Variants in CPAP observed in about 807,000 individuals in gnomAD.
CPAP encodes centrosome assembly and centriole elongation protein, also known as centrosomal P4.1-associated protein.
chr13:24,914,036 G>A, the CPAP span, among the ~76,000 whole-genome samples: 1 of 151,944 alleles, frequency 6.6e-6, no homozygotes, highest in Non-Finnish European at 1.5e-5. Context: ...CAGTCTAGTG[G>A]GGAAGACACA....
the CPAP span, chr13:24,905,893 T>C: frequency 6.2e-7 from 1 of 1,614,028 alleles, no homozygotes; most frequent in South Asian, 1.1e-5. Flanking sequence ...CAGTCGATGG[T>C]TTTATGGTAA....
the CPAP span, chr13:24,908,189 A>C: frequency 1.7e-6 from 2 of 1,164,838 alleles, no homozygotes; most frequent in East Asian, 4.7e-5. Context: ...AAAACATGAG[A>C]ATTCTACAAG....
At chr13:24,898,462 G>A in the CPAP span, among the ~76,000 whole-genome samples, 1 of 152,136 alleles carries the variant, frequency 6.6e-6, no homozygotes, top group Non-Finnish European at 1.5e-5. Flanking sequence ...GCCGGAGCAA[G>A]GGTTGGGGAG....
the CPAP span, among the ~76,000 whole-genome samples, chr13:24,921,141 A>G: frequency 8.7e-4 from 133 of 152,308 alleles, no homozygotes; most frequent in African/African-American, 2.9e-3. Flanking sequence ...GGAATTCTCT[A>G]TAAGTCAGTA....
chr13:24,911,841 A>T, the CPAP span: 1 of 1,370,466 alleles, frequency 7.3e-7, no homozygotes, highest in Admixed American at 1.7e-5. Context: ...CTTTAAAGAA[A>T]CTGGAGTTCA....
the CPAP span, chr13:24,885,678 A>T: frequency 6.2e-7 from 1 of 1,606,090 alleles, no homozygotes; most frequent in East Asian, 2.2e-5. Context: ...TGCCTATTAG[A>T]ATAAAATTGT....
At chr13:24,919,728 C>G in the CPAP span, among the ~76,000 whole-genome samples, 1 of 150,044 alleles carries the variant, frequency 6.7e-6, no homozygotes, top group African/African-American at 2.5e-5. Context: ...TATTTTATGT[C>G]TGACAGAAGA....
At chr13:24,927,799 G>A in the CPAP span, among the ~76,000 whole-genome samples, 4 of 152,132 alleles carry the variant, frequency 2.6e-5, no homozygotes, top group Admixed American at 6.5e-5. Context: ...CAGCCCCAAC[G>A]GAGCCAATAC....
At chr13:24,912,627 G>A in the CPAP span, 2 of 1,613,688 alleles carry the variant, frequency 1.2e-6, no homozygotes, top group South Asian at 1.1e-5. Context: ...CCCCTTCTTT[G>A]AATTCACTCG....
chr13:24,894,445 G>A, the CPAP span, among the ~76,000 whole-genome samples: 1 of 152,182 alleles, frequency 6.6e-6, no homozygotes. Flanking sequence ...ACTGGCAGAC[G>A]GCCGCGATGA....
At chr13:24,912,072 T>G in the CPAP span, 2 of 1,612,794 alleles carry the variant, frequency 1.2e-6, no homozygotes, top group Non-Finnish European at 1.7e-6. Flanking sequence ...TCTTTCAGCT[T>G]TTTAAATACA....
At chr13:24,903,241 T>C in the CPAP span, among the ~76,000 whole-genome samples, 1 of 152,184 alleles carries the variant, frequency 6.6e-6, no homozygotes, top group African/African-American at 2.4e-5. Context: ...TAAAACAATA[T>C]GTTGAAGTCC....
the CPAP span, among the ~76,000 whole-genome samples, chr13:24,921,193 T>C: frequency 1.3e-5 from 2 of 152,218 alleles, no homozygotes; most frequent in Non-Finnish European, 2.9e-5. Context: ...ATTTGATCTA[T>C]AGATGCTGAG....
the CPAP span, among the ~76,000 whole-genome samples, chr13:24,905,115 G>A: frequency 2.0e-5 from 3 of 152,150 alleles, no homozygotes; most frequent in African/African-American, 7.2e-5. Context: ...CAGGTCTGGG[G>A]AAGAAAGGAA....
At chr13:24,922,478 G>A in the CPAP span, among the ~76,000 whole-genome samples, 3 of 152,240 alleles carry the variant, frequency 2.0e-5, no homozygotes, top group African/African-American at 4.8e-5. Flanking sequence ...GCTGCCCACA[G>A]GAACTCAAGT....
the CPAP span, chr13:24,924,992 T>C: frequency 1.5e-4 from 23 of 152,316 alleles, no homozygotes; most frequent in Admixed American, 2.0e-4. Flanking sequence ...AAAAAGTCAA[T>C]GAACAGGAGG....
chr13:24,931,307 T>TTTTTC, the CPAP span, among the ~76,000 whole-genome samples: 6 of 5,702 alleles, frequency 1.1e-3, no homozygotes, highest in Admixed American at 0.023. Context: ...TTCATGTTTC[T>TTTTTC]TTTTTTTTTT....
the CPAP span, among the ~76,000 whole-genome samples, chr13:24,916,833 G>C: frequency 1.3e-5 from 2 of 152,224 alleles, no homozygotes; most frequent in East Asian, 3.8e-4. Context: ...ATCATATTAT[G>C]CAACTGTTAA....
At chr13:24,887,321 G>T in the CPAP span, among the ~76,000 whole-genome samples, 1 of 152,184 alleles carries the variant, frequency 6.6e-6, no homozygotes. Flanking sequence ...CTGGTCTGTG[G>T]CCTGTAGGAA....
Sources: gnomAD v4.1 joint callset for allele counts (sites outside exome capture counted in the v4.1 genomes callset) on GRCh38, gnomAD v4.1.1 for gene constraint, MANE v1.5 for transcripts, NCBI Gene and HGNC (gene_info 2026-07-23, HGNC 2026-07-21) for gene names.